FOXP2: variants seen among roughly 807,000 people sequenced by gnomAD.
FOXP2 encodes forkhead box protein P2.
Under a neutral mutation model 115.8 loss-of-function variants are expected in FOXP2, and 12 were observed. The ratio of observed to expected loss-of-function variants is 0.10; its 90% confidence interval spans 0.07 to 0.17. The LOEUF is 0.17. Among genes scored for constraint, FOXP2 ranks in the 10% least tolerant of loss-of-function variants. The pLI is 1.00. For synonymous variants in FOXP2, 328 were observed against 297.7 expected (o/e 1.10, Z -1.05); for missense variants, 629 against 843.5 (o/e 0.75, Z 3.15).
At chr7:114,344,315 A>G (rs1047591425) in intron 2 of FOXP2, among the ~76,000 whole-genome samples, 2 of 151,792 alleles carry the variant, frequency 1.3e-5, no homozygotes, top group African/African-American at 4.8e-5. Context: ...TAAAAACTTT[A>G]AACTGTAGCT....
intron 2 of FOXP2, among the ~76,000 whole-genome samples, chr7:114,451,921 A>G (rs996427934): frequency 1.3e-5 from 2 of 151,936 alleles, no homozygotes; most frequent in Admixed American, 1.3e-4. Context: ...CTAATTTTTT[A>G]TGCCGAATAA....
At chr7:114,178,135 A>G (rs1793366018) in intron 1 of FOXP2, among the ~76,000 whole-genome samples, 1 of 151,930 alleles carries the variant, frequency 6.6e-6, no homozygotes, top group African/African-American at 2.4e-5. Context: ...TAGGAAATGT[A>G]GTAGGGAGAG....
At chr7:114,212,805 G>T (rs1794394759) in intron 1 of FOXP2, among the ~76,000 whole-genome samples, 1 of 152,188 alleles carries the variant, frequency 6.6e-6, no homozygotes, top group South Asian at 2.1e-4. Flanking sequence ...ACAACATCCT[G>T]TAAATGAATA....
chr7:114,389,465 C>T (rs1177411795), intron 2 of FOXP2, among the ~76,000 whole-genome samples: 2 of 152,146 alleles, frequency 1.3e-5, no homozygotes, highest in Non-Finnish European at 2.9e-5. Flanking sequence ...AGGTTGGCAG[C>T]GTTTTGTAAA....
At chr7:114,416,851 G>A (rs1196744092) in intron 1 of FOXP2, among the ~76,000 whole-genome samples, 1 of 151,834 alleles carries the variant, frequency 6.6e-6, no homozygotes, top group East Asian at 1.9e-4. Flanking sequence ...AAGGGTTACA[G>A]GTATCTGTTT....
chr7:114,561,311 C>G (rs1450662258), intron 3 of FOXP2: 2 of 151,636 alleles, frequency 1.3e-5, no homozygotes, highest in Non-Finnish European at 2.9e-5. Context: ...TTTTTTTTCT[C>G]GAAGAATTTT....
intron 2 of FOXP2, among the ~76,000 whole-genome samples, chr7:114,495,754 G>A (rs1032865617): frequency 4.6e-5 from 7 of 151,860 alleles, no homozygotes; most frequent in Admixed American, 2.6e-4. Flanking sequence ...TGATCTGCCC[G>A]CCTCAGCCTC....
At chr7:114,526,932 T>A (rs1348970699) in intron 2 of FOXP2, among the ~76,000 whole-genome samples, 2 of 152,074 alleles carry the variant, frequency 1.3e-5, no homozygotes, top group African/African-American at 4.8e-5. Flanking sequence ...GAAACCCCAT[T>A]CTCATTAGCA....
At chr7:114,552,889 C>T (rs899443615) in intron 3 of FOXP2, among the ~76,000 whole-genome samples, 4 of 152,050 alleles carry the variant, frequency 2.6e-5, no homozygotes, top group African/African-American at 7.2e-5. Flanking sequence ...TTAGCTTTAT[C>T]GCCTAAATTA....
At chr7:114,103,434 A>AT (rs1051167537) in intron 1 of FOXP2, among the ~76,000 whole-genome samples, 4 of 151,770 alleles carry the variant, frequency 2.6e-5, no homozygotes, top group African/African-American at 7.3e-5. Context: ...GTATTTATTT[A>AT]TTTTTTTTAA....
chr7:114,288,020 T>C (rs1341059949), exon 2 of FOXP2: 2 of 450,660 alleles, frequency 4.4e-6, no homozygotes, highest in Admixed American at 2.4e-5. Context: ...TATTAACAGG[T>C]CTACTCTAAT....
intron 3 of FOXP2, among the ~76,000 whole-genome samples, chr7:114,574,253 A>T (rs1434082217): frequency 2.6e-5 from 4 of 151,856 alleles, no homozygotes; most frequent in African/African-American, 9.7e-5. Context: ...TTCTAAGAGT[A>T]ACAATATAAT....
chr7:114,129,367 G>A (rs1791811076), intron 1 of FOXP2, among the ~76,000 whole-genome samples: 2 of 152,112 alleles, frequency 1.3e-5, no homozygotes, highest in African/African-American at 4.8e-5. Context: ...GTATCAACTT[G>A]TTTGTGCATC....
At chr7:114,413,036 T>C (rs1443924422), upstream of FOXP2, among the ~76,000 whole-genome samples, 1 of 152,188 alleles carries the variant, frequency 6.6e-6, no homozygotes, top group African/African-American at 2.4e-5. Flanking sequence ...TTAAATTTTA[T>C]GTTAATTGCT....
chr7:114,489,489 C>T (rs1333534741), intron 2 of FOXP2, among the ~76,000 whole-genome samples: 1 of 151,860 alleles, frequency 6.6e-6, no homozygotes, highest in Non-Finnish European at 1.5e-5. Flanking sequence ...GTCTCTAGTC[C>T]TTTTCTCTTT....
chr7:114,174,965 G>A (rs769172452), intron 1 of FOXP2, among the ~76,000 whole-genome samples: 1 of 152,060 alleles, frequency 6.6e-6, no homozygotes, highest in Non-Finnish European at 1.5e-5. Flanking sequence ...ATCTGAATTT[G>A]AATCTTGTGA....
chr7:114,428,610 T>C (rs1022912081), intron 2 of FOXP2, among the ~76,000 whole-genome samples: 2 of 151,482 alleles, frequency 1.3e-5, no homozygotes, highest in African/African-American at 4.8e-5. Flanking sequence ...TAAATAAACA[T>C]GCAAAAACCT....
intron 1 of FOXP2, among the ~76,000 whole-genome samples, chr7:114,130,501 T>C (rs1024900371): frequency 5.3e-5 from 8 of 152,362 alleles, no homozygotes; most frequent in African/African-American, 1.9e-4. Context: ...AGAAAGTTTC[T>C]AGGCAAACTA....
chr7:114,435,880 G>A (rs996081254), intron 2 of FOXP2, among the ~76,000 whole-genome samples: 5 of 152,072 alleles, frequency 3.3e-5, no homozygotes, highest in African/African-American at 7.3e-5. Flanking sequence ...TTAGATAGCC[G>A]TTAAAGATTT....
Sources: allele counts gnomAD v4.1 joint callset (sites outside exome capture counted in the v4.1 genomes callset), GRCh38; gene constraint gnomAD v4.1.1; transcripts MANE v1.5; gene names NCBI Gene and HGNC (gene_info 2026-07-23, HGNC 2026-07-21).